Variants in SYT1 observed in about 807,000 individuals in gnomAD.
SYT1 encodes synaptotagmin 1, also known as synaptotagmin-1.
SYT1 carries 8 observed loss-of-function variants against 44.8 expected under a neutral mutation model. That is an observed-to-expected ratio of 0.18 (90% CI 0.10 to 0.32). The LOEUF (loss-of-function observed/expected upper bound fraction) is 0.32, where lower values mean the gene tolerates loss of function less well. Ranked by LOEUF, SYT1 falls within the 10% of genes least tolerant of loss-of-function variation. The probability of loss-of-function intolerance (pLI) is 1.00; values close to 1 mark genes in which losing one functional copy is unlikely to be tolerated. For synonymous variants in SYT1, 154 were observed against 188.8 expected (o/e 0.82, Z 1.51); for missense variants, 286 against 509.3 (o/e 0.56, Z 4.22).
intron 3 of SYT1, among the ~76,000 whole-genome samples, chr12:79,078,627 C>G (rs969427128): frequency 6.6e-6 from 1 of 151,832 alleles, no homozygotes; most frequent in Admixed American, 6.6e-5. Context: ...CTGCACAGAC[C>G]AACCCATCAC....
chr12:79,126,601 C>T (rs1373549601), intron 3 of SYT1, among the ~76,000 whole-genome samples: 1 of 152,130 alleles, frequency 6.6e-6, no homozygotes, highest in Admixed American at 6.5e-5. Context: ...TTAAATAACT[C>T]CAGTGAAATA....
intron 2 of SYT1, among the ~76,000 whole-genome samples, chr12:78,979,452 A>T (rs554403327): frequency 1.3e-5 from 2 of 152,270 alleles, no homozygotes; most frequent in East Asian, 3.9e-4. Context: ...TAGGACCAGC[A>T]TTTAAAATAT....
intron 3 of SYT1, among the ~76,000 whole-genome samples, chr12:79,071,355 A>G (rs1565792429): frequency 1.3e-5 from 2 of 152,172 alleles, no homozygotes; most frequent in Non-Finnish European, 2.9e-5. Flanking sequence ...CTTTGTCCTT[A>G]AAAAGCTCAC....
intron 3 of SYT1, among the ~76,000 whole-genome samples, chr12:79,114,515 G>A (rs1458533855): frequency 2.0e-5 from 3 of 151,848 alleles, no homozygotes; most frequent in Non-Finnish European, 4.4e-5. Flanking sequence ...TAAGCCCAGA[G>A]TTGCAAAGGG....
chr12:79,367,575 A>G (rs1457932419), intron 9 of SYT1, among the ~76,000 whole-genome samples: 1 of 152,124 alleles, frequency 6.6e-6, no homozygotes, highest in Non-Finnish European at 1.5e-5. Context: ...AAATTTCTAC[A>G]TGCTTGCATC....
chr12:79,027,278 C>T (rs560338323), intron 2 of SYT1, among the ~76,000 whole-genome samples: 5 of 151,436 alleles, frequency 3.3e-5, no homozygotes, highest in Non-Finnish European at 5.9e-5. Context: ...GGCTCTCCTC[C>T]CTGTCTCCTG....
intron 2 of SYT1, among the ~76,000 whole-genome samples, chr12:78,990,336 AT>A (rs1190182915): frequency 2.6e-5 from 4 of 152,142 alleles, no homozygotes; most frequent in African/African-American, 9.7e-5. Context: ...ATCTAGGTAA[AT>A]TAGTAATATA....
intron 1 of SYT1, among the ~76,000 whole-genome samples, chr12:78,941,850 G>C (rs1338068290): frequency 2.0e-5 from 3 of 152,168 alleles, no homozygotes; most frequent in Non-Finnish European, 4.4e-5. Context: ...ACACCAGTTG[G>C]GGGTGAAAAG....
intron 3 of SYT1, among the ~76,000 whole-genome samples, chr12:79,073,101 A>G (rs1479558854): frequency 6.6e-6 from 1 of 152,062 alleles, no homozygotes; most frequent in Non-Finnish European, 1.5e-5. Flanking sequence ...TTAGAACATA[A>G]TTATTCTTTT....
At chr12:79,084,033 A>G (rs111430675) in intron 3 of SYT1, among the ~76,000 whole-genome samples, 1 of 152,274 alleles carries the variant, frequency 6.6e-6, no homozygotes, top group Admixed American at 6.5e-5. Flanking sequence ...ACAGAAGTGC[A>G]TATGTATAGA....
At chr12:79,104,627 G>A (rs1044652886) in intron 3 of SYT1, among the ~76,000 whole-genome samples, 3 of 151,750 alleles carry the variant, frequency 2.0e-5, no homozygotes, top group Non-Finnish European at 4.4e-5. Context: ...ACTTGTCCAA[G>A]GGCTAGACAG....
intron 3 of SYT1, among the ~76,000 whole-genome samples, chr12:79,201,309 G>C (rs1001219993): frequency 4.6e-5 from 7 of 152,138 alleles, no homozygotes; most frequent in African/African-American, 1.2e-4. Context: ...TTTGGCAGCA[G>C]CTATGATTTT....
At chr12:79,251,982 T>TGATAGATAGATA (rs10527014) in intron 4 of SYT1, among the ~76,000 whole-genome samples, 35,933 of 149,730 alleles carry the variant, frequency 0.24, 4,560 homozygotes, top group Admixed American at 0.29. Flanking sequence ...GATAGATGAT[T>TGATAGATAGATA]GATAGATAGA....
chr12:79,366,483 C>T (rs1417387045), intron 9 of SYT1, among the ~76,000 whole-genome samples: 4 of 152,268 alleles, frequency 2.6e-5, no homozygotes, highest in African/African-American at 9.6e-5. Context: ...CATGATTTAA[C>T]AGTTACTACA....
At position 79,031,315 on chromosome 12, in the gene SYT1, A is replaced by T. The variant is rs577554743; in HGVS notation, c.-83-15982A>T. ...TTTATGCCTTCTGCAAATACTTCTGATATTCCCTTTTAAGTAATATTATAA... is the reference window on the plus strand; with the variant it reads ...TTTATGCCTTCTGCAAATACTTCTGTTATTCCCTTTTAAGTAATATTATAA... On this transcript the variant is annotated intron_variant, in intron 2 of 10. Transcript: ENST00000261205. Among the ~76,000 whole-genome samples, 9 of 151,132 alleles carry T rather than the reference A, an allele frequency of 6.0e-5. No homozygotes were observed. The South Asian group carries it at 1.9e-3, about 31-fold the overall frequency.
intron 9 of SYT1, among the ~76,000 whole-genome samples, chr12:79,380,467 A>G (rs532250812): frequency 6.6e-6 from 1 of 152,284 alleles, no homozygotes; most frequent in Non-Finnish European, 1.5e-5. Flanking sequence ...GTAGCCTGCT[A>G]CATGATCATA....
intron 1 of SYT1, among the ~76,000 whole-genome samples, chr12:78,875,490 T>G (rs1874018125): frequency 6.6e-6 from 1 of 151,654 alleles, no homozygotes; most frequent in South Asian, 2.1e-4. Flanking sequence ...GCCCTGTAAC[T>G]ATCAGGGGAA....
intron 2 of SYT1, among the ~76,000 whole-genome samples, chr12:79,026,852 G>C (rs1282880039): frequency 6.6e-6 from 1 of 150,760 alleles, no homozygotes; most frequent in Non-Finnish European, 1.5e-5. Flanking sequence ...ACCACAATGA[G>C]ATTTCACCTC....
Position 79,164,851 on chromosome 12 carries a change from G to A in SYT1, c.-17-52652G>A, listed in dbSNP as rs537034473. Among the ~76,000 whole-genome samples the A allele has an allele frequency of 6.6e-5, 10 of 152,062 alleles. No homozygotes were observed. In the South Asian group the frequency reaches 8.3e-4, roughly 13 times the overall value. On this transcript the variant is annotated intron_variant, in intron 3 of 10. Transcript: ENST00000261205. Reference sequence around the variant, plus strand: ...AATGGTGATGTAGACAGAACCCGGCGGATACCTAAATTTCTGTTGAGGGAG... The same window carrying A: ...AATGGTGATGTAGACAGAACCCGGCAGATACCTAAATTTCTGTTGAGGGAG...
Sources: allele counts gnomAD v4.1 joint callset (sites outside exome capture counted in the v4.1 genomes callset), GRCh38; gene constraint gnomAD v4.1.1; transcripts MANE v1.5; gene names NCBI Gene and HGNC (gene_info 2026-07-23, HGNC 2026-07-21).